Variants in RBM19 observed in about 807,000 individuals in gnomAD.
The protein encoded by RBM19 is probable RNA-binding protein 19.
Under a neutral mutation model 116.8 loss-of-function variants are expected in RBM19, and 94 were observed. The observed-to-expected ratio is 0.80, with a 90% CI of 0.68 to 0.95. The LOEUF (loss-of-function observed/expected upper bound fraction) is 0.95, where lower values mean the gene tolerates loss of function less well. Ranked by LOEUF, RBM19 falls within the 40% of genes least tolerant of loss-of-function variation. The pLI, the probability that RBM19 is intolerant of heterozygous loss-of-function variation, is 0.00. For missense variants in RBM19, 1,161 were observed against 1,220.7 expected, an observed-to-expected ratio of 0.95 and a Z score of 0.73; for synonymous variants, 475 against 494.1, an observed-to-expected ratio of 0.96 and a Z score of 0.51.
At chr12:113,842,255 C>CGCT (rs1474482363) in intron 23 of RBM19, among the ~76,000 whole-genome samples, 2 of 151,890 alleles carry the variant, frequency 1.3e-5, no homozygotes, top group Non-Finnish European at 2.9e-5. Flanking sequence ...AGGGCAGAAC[C>CGCT]GCTGAGCCTG....
At position 113,847,121 on chromosome 12, in the gene RBM19, T is replaced by C. The variant is rs552076745; in HGVS notation, c.2665-2333A>G. Among the ~76,000 whole-genome samples the C allele has an allele frequency of 2.6e-5, 4 of 152,276 alleles. No homozygotes were observed. In the South Asian group the frequency reaches 6.2e-4, roughly 24 times the overall value. ...AACTGCCACATCTTGAGCCTCCGTT[T>C]CCTCATCCCTATTGGGGCTGGCTGT... On this transcript the variant is annotated intron_variant, in intron 22 of 23. Coordinates refer to ENST00000261741, the MANE Select transcript of RBM19 (RefSeq NM_016196.4).
Position 113,959,260 on chromosome 12 carries a change from C to T in RBM19, c.523G>A (p.Asp175Asn), listed in dbSNP as rs142721968. The T allele has an allele frequency of 1.8e-4, 296 of 1,613,426 alleles. 1 individual carries two copies. Among genetic ancestry groups the T allele is most frequent in the South Asian group, 5.5e-5 (5 of 91,052 alleles). ...TCCTCCTCACTCTCCTGCCCAGAAT[C>T]GGAGTCGAAGTTCAGGTAGTCACTG... ...PASDYLNFDS[D>N]SGQESEEEGA... is the part of the protein sequence containing the mutation. Residue 175 changes from aspartate (D) to asparagine (N), a missense_variant, in exon 5 of 24, where the codon GAT becomes AAT. Transcript: ENST00000261741.
Position 113,947,980 on chromosome 12 carries a change from G to A in RBM19, c.1277-516C>T, listed in dbSNP as rs555129008. Among the ~76,000 whole-genome samples the A allele has an allele frequency of 7.2e-5, 11 of 152,276 alleles. No homozygotes were observed. The East Asian group carries it at 1.2e-3, about 16-fold the overall frequency. ...TCAGCCCACCCATGAGGTGTAAGCC[G>A]GGATGCCAGCCTGTGTGAAGGATAT... is the stretch of plus-strand genomic sequence containing the variant. On this transcript the variant is annotated intron_variant, in intron 10 of 23. Coordinates refer to ENST00000261741, the MANE Select transcript of RBM19 (RefSeq NM_016196.4).
At chr12:113,914,417 C>T (rs1010636126) in intron 21 of RBM19, among the ~76,000 whole-genome samples, 5 of 152,224 alleles carry the variant, frequency 3.3e-5, no homozygotes, top group Non-Finnish European at 7.3e-5. Context: ...GTCATTTAGG[C>T]CACTGGTCCC....
chr12:113,860,679 A>T (rs943585075), intron 21 of RBM19, among the ~76,000 whole-genome samples: 2 of 152,082 alleles, frequency 1.3e-5, no homozygotes, highest in Non-Finnish European at 2.9e-5. Context: ...TAGCCCCGAG[A>T]TGTCTTTCCT....
intron 21 of RBM19, among the ~76,000 whole-genome samples, chr12:113,888,125 A>G (rs1429274588): frequency 6.6e-6 from 1 of 152,214 alleles, no homozygotes; most frequent in African/African-American, 2.4e-5. Context: ...ACCATCAGAA[A>G]GCTGGAGAAA....
At chr12:113,947,490 C>A in intron 10 of RBM19, 26 bp from the exon 11 acceptor site, 1 of 1,575,070 alleles carries the variant, frequency 6.3e-7, no homozygotes, top group South Asian at 1.1e-5. Flanking sequence ...GTGTCGGTCT[C>A]TGGTAGGCCG....
At chr12:113,912,148 C>A (rs1016710099) in intron 21 of RBM19, among the ~76,000 whole-genome samples, 1 of 152,168 alleles carries the variant, frequency 6.6e-6, no homozygotes. Context: ...GGGAAGGGCC[C>A]CAGGCACTGC....
chr12:113,843,975 C>T (rs185294321), intron 23 of RBM19, among the ~76,000 whole-genome samples: 78 of 152,348 alleles, frequency 5.1e-4, no homozygotes, highest in South Asian at 1.0e-3. Context: ...CAGATGTCAC[C>T]TCTGCAGTGA....
chr12:113,935,958 C>T (rs1021679942), intron 16 of RBM19, among the ~76,000 whole-genome samples: 3 of 152,076 alleles, frequency 2.0e-5, no homozygotes, highest in Non-Finnish European at 4.4e-5. Flanking sequence ...ATTGCTTCAA[C>T]CCAGGAGGCA....
At chr12:113,940,231 T>C in intron 14 of RBM19, 71 bp from the exon 15 acceptor site, 3 of 1,464,614 alleles carry the variant, frequency 2.0e-6, no homozygotes, top group Non-Finnish European at 2.8e-6. Flanking sequence ...CCAGCAGGGA[T>C]CGTGGGGCTC....
At chr12:113,844,643 G>T in intron 23 of RBM19, 25 bp downstream of exon 23, 1 of 1,597,348 alleles carries the variant, frequency 6.3e-7, no homozygotes, top group Admixed American at 1.7e-5. Flanking sequence ...CCATGAGTCA[G>T]CCCAAAAGAC....
At chr12:113,948,558 A>G (rs1268866020) in intron 10 of RBM19, among the ~76,000 whole-genome samples, 1 of 152,200 alleles carries the variant, frequency 6.6e-6, no homozygotes, top group Non-Finnish European at 1.5e-5. Flanking sequence ...AATTGCTTCA[A>G]TTCTGAATTT....
At chr12:113,901,920 A>G (rs943603396) in intron 21 of RBM19, among the ~76,000 whole-genome samples, 6 of 152,150 alleles carry the variant, frequency 3.9e-5, no homozygotes, top group Admixed American at 6.5e-5. Context: ...CCTTTTTCTA[A>G]TGCTTTATAG....
At chr12:113,908,341 AGC>A (rs1163457268) in intron 21 of RBM19, among the ~76,000 whole-genome samples, 1 of 151,918 alleles carries the variant, frequency 6.6e-6, no homozygotes, top group African/African-American at 2.4e-5. Context: ...GTGTGTGGGG[AGC>A]ATGAGTGAGC....
intron 23 of RBM19, among the ~76,000 whole-genome samples, chr12:113,827,032 C>T (rs570711185): frequency 2.6e-5 from 4 of 152,298 alleles, no homozygotes; most frequent in South Asian, 2.1e-4. Flanking sequence ...GAGTTCCCAC[C>T]GAATGACACC....
rs142748162 is a variant in RBM19, at chr12:113,886,880, C to T, written c.2559-27984G>A. ...CCAAGGACAGACGGGTCTGGGTGTG[C>T]AAGCGCAGAGGACTTTAGAGATGAA... On this transcript the variant is annotated intron_variant, in intron 21 of 23. Transcript: ENST00000261741. Among the ~76,000 whole-genome samples, 3 of 152,156 alleles carry T rather than the reference C, an allele frequency of 2.0e-5. No homozygotes were observed. The East Asian group carries it at 5.8e-4, about 29-fold the overall frequency.
At chr12:113,830,763 C>T (rs1253401253) in intron 23 of RBM19, among the ~76,000 whole-genome samples, 1 of 152,194 alleles carries the variant, frequency 6.6e-6, no homozygotes, top group Non-Finnish European at 1.5e-5. Context: ...TACTCCTCTG[C>T]CTCAGGTCTG....
intron 15 of RBM19, among the ~76,000 whole-genome samples, chr12:113,939,483 C>A (rs1039276783): frequency 5.4e-5 from 8 of 148,344 alleles, no homozygotes; most frequent in African/African-American, 2.0e-4. Flanking sequence ...GGCGCAGTGG[C>A]TCACGCCTGT....
Sources: allele counts gnomAD v4.1 joint callset (sites outside exome capture counted in the v4.1 genomes callset), GRCh38; gene constraint gnomAD v4.1.1; transcripts MANE v1.5; gene names NCBI Gene and HGNC (gene_info 2026-07-23, HGNC 2026-07-21).